Variants in ARHGEF33 observed in about 807,000 individuals in gnomAD.
The protein encoded by ARHGEF33 is Rho guanine nucleotide exchange factor 33.
Under a neutral mutation model 101.9 loss-of-function variants are expected in ARHGEF33, and 72 were observed. That is an observed-to-expected ratio of 0.71 (90% CI 0.58 to 0.86). The LOEUF (loss-of-function observed/expected upper bound fraction) is 0.86, where lower values mean the gene tolerates loss of function less well. ARHGEF33 is among the 40% of genes least tolerant of loss of function. ARHGEF33 has a pLI of 0.00. For synonymous variants in ARHGEF33, 499 were observed against 442.5 expected, an observed-to-expected ratio of 1.13 and a Z score of -1.60; for missense variants, 1,169 against 1,111.3, an observed-to-expected ratio of 1.05 and a Z score of -0.74.
chr2:38,935,168 G>C (rs1159954606), intron 7 of ARHGEF33, among the ~76,000 whole-genome samples: 1 of 152,084 alleles, frequency 6.6e-6, no homozygotes, highest in Admixed American at 6.6e-5. Context: ...GCTAAGCAGA[G>C]AAGTGATAGG....
At chr2:38,939,843 G>C (rs542093755) in intron 9 of ARHGEF33, among the ~76,000 whole-genome samples, 1 of 152,156 alleles carries the variant, frequency 6.6e-6, no homozygotes, top group Non-Finnish European at 1.5e-5. Flanking sequence ...AAAATAGCTC[G>C]TGACTTTCTT....
chr2:38,917,596 G>A (rs777916518), intron 2 of ARHGEF33, among the ~76,000 whole-genome samples: 3 of 152,004 alleles, frequency 2.0e-5, no homozygotes, highest in East Asian at 1.9e-4. Context: ...TTGAGAGACC[G>A]AGGAGGGGAG....
intron 1 of ARHGEF33, among the ~76,000 whole-genome samples, chr2:38,893,341 G>A (rs1284007614): frequency 6.6e-6 from 1 of 151,968 alleles, no homozygotes; most frequent in Non-Finnish European, 1.5e-5. Flanking sequence ...TGTACTTTTA[G>A]TAGAGACAGA....
chr2:38,956,659 A>C (rs1272700651), intron 13 of ARHGEF33, among the ~76,000 whole-genome samples: 1 of 152,164 alleles, frequency 6.6e-6, no homozygotes, highest in Admixed American at 6.5e-5. Context: ...TTCAGATGAA[A>C]TTATTTTATG....
intron 10 of ARHGEF33, among the ~76,000 whole-genome samples, chr2:38,946,032 G>C (rs1290152033): frequency 6.6e-6 from 1 of 152,190 alleles, no homozygotes; most frequent in Non-Finnish European, 1.5e-5. Flanking sequence ...AGAGCCAGAA[G>C]GATACAGTTG....
At chr2:38,896,185 C>T (rs546409159) in intron 2 of ARHGEF33, among the ~76,000 whole-genome samples, 1 of 152,142 alleles carries the variant, frequency 6.6e-6, no homozygotes, top group Admixed American at 6.5e-5. Flanking sequence ...CTCTGTCGCC[C>T]AGTAGTGCAG....
chr2:38,934,334 T>C (rs1013717784), intron 7 of ARHGEF33, among the ~76,000 whole-genome samples: 1 of 152,216 alleles, frequency 6.6e-6, no homozygotes, highest in Non-Finnish European at 1.5e-5. Flanking sequence ...TACATGGCCG[T>C]GTTTTAACTT....
At chr2:38,932,876 C>T (rs1234834237) in intron 7 of ARHGEF33, among the ~76,000 whole-genome samples, 2 of 152,166 alleles carry the variant, frequency 1.3e-5, no homozygotes, top group African/African-American at 4.8e-5. Context: ...CCTGTATAGA[C>T]GTGGTCATAG....
At chr2:38,953,485 C>CTA (rs1179144753) in intron 12 of ARHGEF33, among the ~76,000 whole-genome samples, 1 of 152,216 alleles carries the variant, frequency 6.6e-6, no homozygotes, top group Non-Finnish European at 1.5e-5. Flanking sequence ...TATAGACAAA[C>CTA]TATAGTTCTA....
chr2:38,927,122 AG>A (rs943256988), intron 4 of ARHGEF33, among the ~76,000 whole-genome samples: 1 of 152,210 alleles, frequency 6.6e-6, no homozygotes, highest in Non-Finnish European at 1.5e-5. Context: ...CCAGCCTTCT[AG>A]CCCCAAATAC....
intron 2 of ARHGEF33, among the ~76,000 whole-genome samples, chr2:38,897,398 C>T (rs1666145467): frequency 6.6e-6 from 1 of 152,194 alleles, no homozygotes; most frequent in South Asian, 2.1e-4. Flanking sequence ...GCAGCTACCT[C>T]TAAACAATAA....
rs933892569 is a variant in ARHGEF33 at position 38,904,721 on chromosome 2, A to C, written c.-86+8872A>C. On this transcript the variant is annotated intron_variant, in intron 2 of 17. Coordinates refer to ENST00000409978, the MANE Select transcript of ARHGEF33 (RefSeq NM_001145451.5). Reference sequence around the variant, plus strand: ...AGACTCTGTATCAAAAAAAAAAAAAAAGGAAAAGAAGAAAAAGAAAAGAAA... The same window carrying C: ...AGACTCTGTATCAAAAAAAAAAAAACAGGAAAAGAAGAAAAAGAAAAGAAA... Among the ~76,000 whole-genome samples the C allele has an allele frequency of 2.0e-5, 3 of 151,250 alleles. No homozygotes were observed. In the South Asian group the frequency reaches 6.3e-4, roughly 32 times the overall value.
intron 15 of ARHGEF33, among the ~76,000 whole-genome samples, 191 bp downstream of exon 15, chr2:38,958,389 T>G (rs1167882041): frequency 6.6e-6 from 1 of 152,154 alleles, no homozygotes; most frequent in Non-Finnish European, 1.5e-5. Context: ...GTGTAGAAAG[T>G]GGGAAGAGAG....
chr2:38,932,406 C>T (rs942984530), intron 7 of ARHGEF33, among the ~76,000 whole-genome samples: 2 of 152,044 alleles, frequency 1.3e-5, no homozygotes. Context: ...GGATTACAGG[C>T]GTGAGCCACC....
chr2:38,920,761 C>T (rs930557227), intron 3 of ARHGEF33, among the ~76,000 whole-genome samples: 2 of 152,096 alleles, frequency 1.3e-5, no homozygotes, highest in Admixed American at 6.6e-5. Flanking sequence ...CTGTGTTTCT[C>T]GAAGTCTAGT....
At chr2:38,968,415 C>T (rs1294292768) in intron 17 of ARHGEF33, among the ~76,000 whole-genome samples, 1 of 152,166 alleles carries the variant, frequency 6.6e-6, no homozygotes, top group Non-Finnish European at 1.5e-5. Flanking sequence ...CTTTATATCA[C>T]CTGAAACAAG....
intron 7 of ARHGEF33, among the ~76,000 whole-genome samples, chr2:38,933,102 C>T (rs1667043403): frequency 6.6e-6 from 1 of 152,186 alleles, no homozygotes; most frequent in Admixed American, 6.5e-5. Flanking sequence ...TTCACAGTTT[C>T]TCTGAGTCAG....
intron 2 of ARHGEF33, among the ~76,000 whole-genome samples, chr2:38,916,745 G>A (rs571381147): frequency 6.6e-6 from 1 of 151,000 alleles, no homozygotes; most frequent in East Asian, 1.9e-4. Flanking sequence ...ACCTCAGTAT[G>A]TGAATAAAGG....
At chr2:38,948,715 G>A (rs1480358360) in intron 10 of ARHGEF33, among the ~76,000 whole-genome samples, 2 of 152,164 alleles carry the variant, frequency 1.3e-5, no homozygotes, top group Non-Finnish European at 2.9e-5. Context: ...ATATCTTCCA[G>A]GGTCACACCA....
Sources: allele counts gnomAD v4.1 joint callset (sites outside exome capture counted in the v4.1 genomes callset), GRCh38; gene constraint gnomAD v4.1.1; transcripts MANE v1.5; gene names NCBI Gene and HGNC (gene_info 2026-07-23, HGNC 2026-07-21).